The following CLRN1 variants were observed in gnomAD, a reference collection of about 807,000 sequenced individuals.
CLRN1 encodes the protein clarin-1.
Under a neutral mutation model 18.7 loss-of-function variants are expected in CLRN1, and 15 were observed. The observed-to-expected ratio is 0.80, with a 90% CI of 0.54 to 1.23. The LOEUF is 1.23. Among genes scored for constraint, CLRN1 ranks in the 50% most tolerant of loss-of-function variants. CLRN1 has a pLI of 0.00. For missense variants in CLRN1, 311 were observed against 277.5 expected, an observed-to-expected ratio of 1.12 and a Z score of -0.86; for synonymous variants, 104 against 102.9, an observed-to-expected ratio of 1.01 and a Z score of -0.07.
At chr3:150,926,565 C>A, downstream of CLRN1, 1 of 585,290 alleles carries the variant, frequency 1.7e-6, no homozygotes, top group Non-Finnish European at 3.1e-6. Flanking sequence ...AGGGGAAAAA[C>A]CAGCATCTGG....
chr3:150,941,134 GTCTGTCTA>G (rs1459005174), intron 2 of CLRN1, among the ~76,000 whole-genome samples: 14 of 131,714 alleles, frequency 1.1e-4, no homozygotes, highest in African/African-American at 3.0e-4. Flanking sequence ...TTGTCTGTCT[GTCTGTCTA>G]TCTATCTATC....
At chr3:150,947,524 G>C (rs977488108) in intron 1 of CLRN1, among the ~76,000 whole-genome samples, 1 of 152,142 alleles carries the variant, frequency 6.6e-6, no homozygotes. Context: ...AGATATTCAG[G>C]ATCTGAACTC....
At chr3:150,953,402 C>T (rs1714585483) in intron 1 of CLRN1, among the ~76,000 whole-genome samples, 1 of 152,198 alleles carries the variant, frequency 6.6e-6, no homozygotes, top group Non-Finnish European at 1.5e-5. Flanking sequence ...TCTCCTCATA[C>T]TTAAACCATC....
intron 1 of CLRN1, among the ~76,000 whole-genome samples, chr3:150,969,654 G>A (rs1045319672): frequency 2.0e-5 from 3 of 152,042 alleles, no homozygotes; most frequent in African/African-American, 7.2e-5. Flanking sequence ...ATTGGCCAGT[G>A]CTGATATAAA....
chr3:150,937,633 G>A (rs188873610), intron 2 of CLRN1, among the ~76,000 whole-genome samples: 1 of 152,276 alleles, frequency 6.6e-6, no homozygotes, highest in East Asian at 1.9e-4. Flanking sequence ...AGACTTCTCA[G>A]CATCAATTTA....
upstream of CLRN1, chr3:150,972,875 A>G (rs1715625482): frequency 2.3e-6 from 2 of 865,350 alleles, no homozygotes; most frequent in Non-Finnish European, 3.7e-6. Context: ...ATGTCAGTAG[A>G]TGAAGGCCTC....
In CLRN1 at chr3:150,926,692, T is replaced by A; in HGVS notation, c.*1244A>T. ...ATAGTTCCAAAGGGAAACAGTGTTT[T>A]ATTTTAAGGAGTACTTTCAAACCTA... On this transcript the variant is annotated 3_prime_UTR_variant, in exon 3 of 3. Transcript: ENST00000327047. 8.6e-7 allele frequency: 1 copy of A among 1,165,762 alleles called. No individual in the cohort carries two copies. Among genetic ancestry groups the A allele is most frequent in the East Asian group, 2.4e-5 (1 of 41,798 alleles). 72.2% of individuals were successfully genotyped at this position (1,165,762 alleles called of 1,614,324 possible). A position where few individuals can be genotyped will look rare whatever the true frequency, so the allele number is the denominator to read the frequency against.
At chr3:150,940,139 G>A (rs1210881606) in intron 2 of CLRN1, among the ~76,000 whole-genome samples, 10 of 152,320 alleles carry the variant, frequency 6.6e-5, no homozygotes, top group Non-Finnish European at 1.0e-4. Context: ...GAATGCTTTC[G>A]TTAGAGATAC....
At chr3:150,942,640 C>G in intron 1 of CLRN1, 1 of 451,816 alleles carries the variant, frequency 2.2e-6, no homozygotes, top group Non-Finnish European at 4.4e-6. Flanking sequence ...AGCTTATAAC[C>G]TAATGGGAGA....
chr3:150,928,635 G>A (rs1329613609), intron 2 of CLRN1, among the ~76,000 whole-genome samples: 1 of 152,214 alleles, frequency 6.6e-6, no homozygotes, highest in East Asian at 1.9e-4. Flanking sequence ...CAGGATAAAT[G>A]TCAATCATGC....
chr3:150,939,903 C>G (rs1012253202), intron 2 of CLRN1, among the ~76,000 whole-genome samples: 2 of 152,186 alleles, frequency 1.3e-5, no homozygotes, highest in African/African-American at 4.8e-5. Context: ...CTCTTCAGCT[C>G]TGATTGCAAA....
At chr3:150,960,394 A>G (rs996500180) in intron 1 of CLRN1, among the ~76,000 whole-genome samples, 1 of 152,202 alleles carries the variant, frequency 6.6e-6, no homozygotes, top group African/African-American at 2.4e-5. Flanking sequence ...TGGTCAGAGT[A>G]CATGTCTCTG....
chr3:150,936,133 TTTAGTTTAATTAGATCCCA>T (rs1338696816), intron 2 of CLRN1, among the ~76,000 whole-genome samples: 1 of 152,278 alleles, frequency 6.6e-6, no homozygotes, highest in African/African-American at 2.4e-5. Flanking sequence ...GCAGAAGCTC[TTTAGTTTAATTAGATCCCA>T]TTTGTCAATT....
intron 1 of CLRN1, among the ~76,000 whole-genome samples, chr3:150,944,913 T>C (rs974850128): frequency 2.6e-5 from 4 of 152,208 alleles, no homozygotes; most frequent in East Asian, 3.9e-4. Flanking sequence ...TATTTTACGT[T>C]TGAGTTACCT....
At chr3:150,929,248 G>C (rs987891441) in intron 2 of CLRN1, among the ~76,000 whole-genome samples, 2 of 152,136 alleles carry the variant, frequency 1.3e-5, no homozygotes, top group African/African-American at 4.8e-5. Context: ...ACTCCATACT[G>C]GCTGGAAGCT....
At chr3:150,939,693 A>G (rs970003286) in intron 2 of CLRN1, among the ~76,000 whole-genome samples, 3 of 152,126 alleles carry the variant, frequency 2.0e-5, no homozygotes, top group Non-Finnish European at 4.4e-5. Context: ...CCAGTTTGAG[A>G]ACCACTGCTT....
At chr3:150,972,310 G>C in intron 1 of CLRN1, 146 bp downstream of exon 1, 1 of 894,626 alleles carries the variant, frequency 1.1e-6, no homozygotes, top group East Asian at 2.7e-5. Context: ...AGAAGAAATT[G>C]CTCAGAGTCA....
chr3:150,970,430 C>T (rs892421208), intron 1 of CLRN1, among the ~76,000 whole-genome samples: 24 of 151,886 alleles, frequency 1.6e-4, no homozygotes, highest in Non-Finnish European at 3.2e-4. Flanking sequence ...TGAATATTAT[C>T]CTCTTTGGGG....
At chr3:150,949,388 C>T (rs1182676599) in intron 1 of CLRN1, among the ~76,000 whole-genome samples, 1 of 152,128 alleles carries the variant, frequency 6.6e-6, no homozygotes, top group Non-Finnish European at 1.5e-5. Context: ...AAATAAAGGG[C>T]ATCCAAGTAG....
Sources: allele counts gnomAD v4.1 joint callset (sites outside exome capture counted in the v4.1 genomes callset), GRCh38; gene constraint gnomAD v4.1.1; transcripts MANE v1.5; gene names NCBI Gene and HGNC (gene_info 2026-07-23, HGNC 2026-07-21).